The following KRT8 variants were observed in gnomAD, a reference collection of about 807,000 sequenced individuals.
The protein encoded by KRT8 is keratin, type II cytoskeletal 8.
A neutral mutation model predicts 43.0 loss-of-function variants in KRT8; 24 were observed. The ratio of observed to expected loss-of-function variants is 0.56; its 90% CI spans 0.40 to 0.78. The LOEUF (loss-of-function observed/expected upper bound fraction) is 0.78. Ranked by LOEUF, KRT8 falls within the 30% of genes least tolerant of loss-of-function variation. The probability of loss-of-function intolerance (pLI) is 0.00; values close to 1 mark genes in which losing one functional copy is unlikely to be tolerated. For synonymous variants in KRT8, 214 were observed against 261.2 expected, an observed-to-expected ratio of 0.82 and a Z score of 1.74; for missense variants, 492 against 638.4, an observed-to-expected ratio of 0.77 and a Z score of 2.47.
At chr12:52,931,657 C>CATATATATATATATATAT (rs34460731) in intron 2 of KRT8, among the ~76,000 whole-genome samples, 31 of 147,228 alleles carry the variant, frequency 2.1e-4, no homozygotes, top group African/African-American at 7.1e-4. Context: ...ATTGGCTCCC[C>CATATATATATATATATAT]ATATATATAT....
chr12:52,929,295 C>T (rs1422335872), intron 2 of KRT8, among the ~76,000 whole-genome samples: 1 of 151,390 alleles, frequency 6.6e-6, no homozygotes, highest in Admixed American at 6.6e-5. Context: ...AGGCTGAAGC[C>T]ATTCTCTTGC....
intron 2 of KRT8, among the ~76,000 whole-genome samples, chr12:52,946,029 C>G (rs1349540032): frequency 1.3e-5 from 2 of 152,090 alleles, no homozygotes; most frequent in African/African-American, 2.4e-5. Context: ...GCTGGAAGCC[C>G]GAGGTCGGTA....
At chr12:52,902,978 C>G (rs989657985) in intron 1 of KRT8, among the ~76,000 whole-genome samples, 10 of 152,090 alleles carry the variant, frequency 6.6e-5, no homozygotes, top group Non-Finnish European at 1.5e-5. Context: ...CACCACTGCA[C>G]TCCAGCCTGG....
chr12:52,934,683 T>TACAG (rs770834842), intron 2 of KRT8, among the ~76,000 whole-genome samples: 13 of 151,682 alleles, frequency 8.6e-5, no homozygotes, highest in Non-Finnish European at 1.6e-4. Flanking sequence ...TAAAGATAGA[T>TACAG]ACAGGCCAGG....
intron 2 of KRT8, among the ~76,000 whole-genome samples, chr12:52,927,058 C>G (rs1942005769): frequency 6.6e-6 from 1 of 152,174 alleles, no homozygotes; most frequent in Non-Finnish European, 1.5e-5. Flanking sequence ...TCTTCTGTCC[C>G]TTACCCTGGA....
intron 2 of KRT8, among the ~76,000 whole-genome samples, chr12:52,915,306 G>A (rs377308869): frequency 2.5e-4 from 38 of 151,698 alleles, no homozygotes; most frequent in Admixed American, 1.2e-3. Flanking sequence ...CCCAGGGGAC[G>A]GAGCCTGCAG....
At chr12:52,921,249 C>T (rs976544678) in intron 2 of KRT8, among the ~76,000 whole-genome samples, 2 of 152,202 alleles carry the variant, frequency 1.3e-5, no homozygotes, top group African/African-American at 2.4e-5. Flanking sequence ...TCTCTCCTTC[C>T]TTGCCTCCCC....
chr12:52,914,626 C>T (rs902820948), intron 2 of KRT8, among the ~76,000 whole-genome samples: 1 of 152,174 alleles, frequency 6.6e-6, no homozygotes, highest in Non-Finnish European at 1.5e-5. Context: ...GGTGTGAGCC[C>T]CAGCTCCCAG....
intron 2 of KRT8, among the ~76,000 whole-genome samples, chr12:52,921,929 G>A (rs191086997): frequency 6.6e-6 from 1 of 151,972 alleles, no homozygotes; most frequent in South Asian, 2.1e-4. Flanking sequence ...ACTTTGGAAG[G>A]CCAAAGTGGG....
chr12:52,931,685 G>A (rs1055920409), intron 2 of KRT8, among the ~76,000 whole-genome samples: 53 of 140,838 alleles, frequency 3.8e-4, no homozygotes, highest in Middle Eastern at 3.6e-3. Flanking sequence ...TATTTGAGAC[G>A]GAGTTTCGCT....
chr12:52,904,009 T>G (rs1941446973), intron 1 of KRT8, among the ~76,000 whole-genome samples: 1 of 151,564 alleles, frequency 6.6e-6, no homozygotes, highest in South Asian at 2.1e-4. Flanking sequence ...GTATGACTCA[T>G]TCTGTGACCC....
chr12:52,914,095 C>A (rs1191829745), intron 2 of KRT8, among the ~76,000 whole-genome samples: 4 of 151,834 alleles, frequency 2.6e-5, no homozygotes, highest in African/African-American at 9.7e-5. Flanking sequence ...TGGTGGCAGG[C>A]ACCTGTAATC....
chr12:52,907,070 G>A, upstream of KRT8: 1 of 236,430 alleles, frequency 4.2e-6, no homozygotes, highest in Non-Finnish European at 8.5e-6. Context: ...CGGGCACAGT[G>A]AGTGGCTCCT....
intron 2 of KRT8, among the ~76,000 whole-genome samples, chr12:52,915,386 A>T (rs1941716530): frequency 6.6e-6 from 1 of 151,050 alleles, no homozygotes; most frequent in Non-Finnish European, 1.5e-5. Context: ...AAAAAAAAAA[A>T]ATGTGATTCA....
intron 2 of KRT8, among the ~76,000 whole-genome samples, chr12:52,918,345 T>C (rs1941819153): frequency 6.6e-6 from 1 of 152,086 alleles, no homozygotes; most frequent in Non-Finnish European, 1.5e-5. Flanking sequence ...AGCTGGGTTG[T>C]TGGAGCCTCA....
rs79477652 is a variant in KRT8 at position 52,948,934 on chromosome 12, G to T, written c.-47+522C>A. 1.6e-4 allele frequency: 71 copies of T among 435,322 alleles called. No individual in the cohort carries two copies. The South Asian group carries it at 4.8e-3, about 29-fold the overall frequency. 27.0% of individuals were successfully genotyped at this position (435,322 alleles called of 1,614,324 possible). A position where few individuals can be genotyped will look rare whatever the true frequency, so the allele number is the denominator to read the frequency against. ...ATGCCCGGTTGGCCACCCCGTTTCT[G>T]GGGGGTGAGCGGGGCTTGGCAGGGC... On this transcript the variant is annotated intron_variant, in intron 2 of 6. Coordinates refer to the KRT8 transcript ENST00000546826.
Position 52,897,437 on chromosome 12 carries a change from CAGGACGTCAG to C in KRT8, c.1433_1442del (p.Ser478CysfsTer38), listed in dbSNP as rs944050538. ...GGGCTGCCGCAGCTGTTCACTTGGGCAGGACGTCAGAGGACTCAGACACCAGCTTCCCATC... is the reference window on the plus strand; with the variant it reads ...GGGCTGCCGCAGCTGTTCACTTGGGCAGGACTCAGACACCAGCTTCCCATC... On this transcript the variant is annotated frameshift_variant, in exon 8 of 8. Coordinates refer to ENST00000692008, the Ensembl canonical transcript of KRT8. LOFTEE classifies it high-confidence loss of function. The C allele has an allele frequency of 5.0e-6, 8 of 1,599,406 alleles. No homozygotes were observed. Among genetic ancestry groups the C allele is most frequent in the Non-Finnish European group, 6.8e-6 (8 of 1,179,844 alleles).
Position 52,934,466 on chromosome 12 carries a change from A to G in KRT8, c.-47+14990T>C, listed in dbSNP as rs970391230. On this transcript the variant is annotated intron_variant, in intron 2 of 6. Coordinates refer to the KRT8 transcript ENST00000546826. ...TCCCAGCTACTCGGAAGGTTGAGGC[A>G]GGAAAATCGCTTGAACCCAGTAGGC... 2.0e-5 allele frequency among the ~76,000 whole-genome samples: 3 copies of G among 152,198 alleles called. No individual in the cohort carries two copies. The East Asian group carries it at 5.8e-4, about 29-fold the overall frequency.
At chr12:52,922,025 G>T (rs1339522951) in intron 2 of KRT8, among the ~76,000 whole-genome samples, 5 of 151,270 alleles carry the variant, frequency 3.3e-5, no homozygotes, top group East Asian at 2.0e-4. Flanking sequence ...CAAAAAAATT[G>T]TTCTAATTAT....
Sources: gnomAD v4.1 joint callset for allele counts (sites outside exome capture counted in the v4.1 genomes callset) on GRCh38, gnomAD v4.1.1 for gene constraint, MANE v1.5 for transcripts, NCBI Gene and HGNC (gene_info 2026-07-23, HGNC 2026-07-21) for gene names.